Variants in RGPD4 observed in about 807,000 individuals in gnomAD.
RGPD4 encodes the protein RANBP2 like and GRIP domain containing 4, also known as ranBP2-like and GRIP domain-containing protein 4.
In RGPD4, 84 loss-of-function variants were observed where a neutral mutation model predicts 141.1. The ratio of observed to expected loss-of-function variants is 0.60; its 90% confidence interval spans 0.50 to 0.71. The LOEUF (loss-of-function observed/expected upper bound fraction) is 0.71, where lower values mean the gene tolerates loss of function less well. Among genes scored for constraint, RGPD4 ranks in the 30% least tolerant of loss-of-function variants. The pLI is 0.00. For missense variants in RGPD4, 918 were observed against 1,622.4 expected (o/e 0.57, Z 7.46); for synonymous variants, 298 against 566.8 (o/e 0.53, Z 6.74).
At chr2:107,844,791 G>T (rs1681855840) in intron 6 of RGPD4, among the ~76,000 whole-genome samples, 2 of 89,010 alleles carry the variant, frequency 2.2e-5, no homozygotes, top group African/African-American at 4.2e-5. Flanking sequence ...AAAGATGTTT[G>T]TATGTGGGTT....
At chr2:107,835,571 G>T (rs1681640698) in intron 1 of RGPD4, among the ~76,000 whole-genome samples, 1 of 151,932 alleles carries the variant, frequency 6.6e-6, no homozygotes, top group Non-Finnish European at 1.5e-5. Context: ...TAGATCCTAA[G>T]TACTTAGTTA....
Position 107,891,860 on chromosome 2 carries a change from C to T in RGPD4, c.*1129C>T, listed in dbSNP as rs1232690381. Among the ~76,000 whole-genome samples, 6 of 123,176 alleles carry T rather than the reference C, an allele frequency of 4.9e-5. No individual in the cohort carries two copies. In the East Asian group the frequency reaches 9.9e-4, roughly 20 times the overall value. 80.8% of individuals were successfully genotyped at this position (123,176 alleles called of 152,430 possible). A position where few individuals can be genotyped will look rare whatever the true frequency, so the allele number is the denominator to read the frequency against. ...AGGGATTTTAGACACCTTAGAGGTC[C>T]GTGCTACATCTTCACAGTTCCTCTG... On this transcript the variant is annotated 3_prime_UTR_variant, in exon 23 of 23. Coordinates refer to ENST00000408999, the MANE Select transcript of RGPD4 (RefSeq NM_182588.3).
intron 1 of RGPD4, among the ~76,000 whole-genome samples, chr2:107,828,611 G>A (rs1356302310): frequency 0.015 from 583 of 39,932 alleles, 1 homozygote; most frequent in Middle Eastern, 0.025. Context: ...GGGCGGCGGC[G>A]GCCTCGACCT....
intron 9 of RGPD4, among the ~76,000 whole-genome samples, chr2:107,857,171 C>G (rs1189087044): frequency 6.8e-6 from 1 of 147,994 alleles, no homozygotes; most frequent in Non-Finnish European, 1.5e-5. Context: ...AAGTTTTGCT[C>G]TTGTCGCCCA....
intron 20 of RGPD4, among the ~76,000 whole-genome samples, chr2:107,874,455 T>A (rs1683031131): frequency 7.2e-6 from 1 of 139,144 alleles, no homozygotes. Context: ...CAGTAACACA[T>A]CTTAGCCATG....
At chr2:107,835,565 T>G (rs991055266) in intron 1 of RGPD4, among the ~76,000 whole-genome samples, 2 of 151,938 alleles carry the variant, frequency 1.3e-5, no homozygotes, top group African/African-American at 4.8e-5. Context: ...CCTTAATAGA[T>G]CCTAAGTACT....
chr2:107,884,591 G>A (rs1458890984), intron 22 of RGPD4, among the ~76,000 whole-genome samples: 1 of 145,930 alleles, frequency 6.9e-6, no homozygotes, highest in Admixed American at 7.0e-5. Context: ...GTGGGATGGT[G>A]GACAAAAATA....
chr2:107,877,967 C>T (rs13419759), intron 20 of RGPD4, among the ~76,000 whole-genome samples: 51,703 of 139,362 alleles, frequency 0.37, 6,699 homozygotes, highest in Non-Finnish European at 0.5. Flanking sequence ...CACCTGCCAC[C>T]GTGCCTGGCT....
At position 107,871,822 on chromosome 2, in the gene RGPD4, T is replaced by C; in HGVS notation, c.3818T>C (p.Leu1273Ser). Residue 1273 changes from leucine (L) to serine (S), a missense_variant, in exon 20 of 23, where the codon TTG becomes TCG. By Grantham distance (145) the Leu-to-Ser change is moderately radical. Transcript: ENST00000408999. ...VSSSSVHASP[L>S]ASSPVRKNLF... The stretch of plus-strand genomic sequence containing the variant: ...AGTAGCTCAGTACATGCTTCTCCAT[T>C]GGCAAGTAGCCCTGTGAGAAAAAAT... 1.2e-6 allele frequency: 2 copies of C among 1,611,598 alleles called. No homozygotes were observed. The highest frequency in any genetic ancestry group is 8.5e-7 in the Non-Finnish European group (1 of 1,179,860).
chr2:107,865,782 T>C (rs1269039445), intron 17 of RGPD4, among the ~76,000 whole-genome samples: 1 of 146,778 alleles, frequency 6.8e-6, no homozygotes, highest in East Asian at 2.0e-4. Context: ...TCAAAAGATA[T>C]AATCAGGTCC....
chr2:107,827,755 C>T (rs1187643357), intron 1 of RGPD4, among the ~76,000 whole-genome samples: 1 of 37,898 alleles, frequency 2.6e-5, no homozygotes, highest in Non-Finnish European at 5.1e-5. Context: ...TGGCTCCTGA[C>T]GGGCGCTGCT....
At chr2:107,849,245 G>C (rs1423060490) in intron 7 of RGPD4, among the ~76,000 whole-genome samples, 1 of 90,028 alleles carries the variant, frequency 1.1e-5, no homozygotes, top group Non-Finnish European at 2.3e-5. Context: ...TAATAGAGAT[G>C]GGGTTTCACC....
At position 107,870,771 on chromosome 2, in the gene RGPD4, T is replaced by C. The variant is rs1239603274; in HGVS notation, c.2767T>C (p.Phe923Leu). ...GFSIPVSADG[F>L]KFGISEPGNQ... ...TTCCATCCCTGTGTCTGCTGATGGA[T>C]TTAAATTTGGCATTTCGGAACCAGG... Residue 923 changes from phenylalanine (F) to leucine (L), a missense_variant, in exon 20 of 23, where the codon TTT (phenylalanine) becomes CTT (leucine). Coordinates refer to ENST00000408999, the MANE Select transcript of RGPD4 (RefSeq NM_182588.3). 7.5e-6 allele frequency: 12 copies of C among 1,610,108 alleles called. No homozygotes were observed. The highest frequency in any genetic ancestry group is 1.0e-5 in the Non-Finnish European group (12 of 1,179,270).
intron 6 of RGPD4, among the ~76,000 whole-genome samples, chr2:107,846,487 A>G (rs1029927943): frequency 1.3e-5 from 2 of 151,562 alleles, no homozygotes; most frequent in African/African-American, 4.9e-5. Context: ...TTTTTTTGAG[A>G]CGGAGTTTTG....
intron 6 of RGPD4, among the ~76,000 whole-genome samples, chr2:107,844,830 G>GTTTTTTTTTTTTTTTT (rs1222283120): frequency 7.6e-5 from 2 of 26,174 alleles, no homozygotes; most frequent in Non-Finnish European, 7.1e-5. Context: ...TTTCTTTTTT[G>GTTTTTTTTTTTTTTTT]TTTTTTTTTT....
At chr2:107,834,248 G>T (rs567990987) in intron 1 of RGPD4, among the ~76,000 whole-genome samples, 1 of 149,874 alleles carries the variant, frequency 6.7e-6, no homozygotes, top group Non-Finnish European at 1.5e-5. Flanking sequence ...ATTTAGATGC[G>T]ATTGTAAATG....
intron 1 of RGPD4, among the ~76,000 whole-genome samples, chr2:107,829,768 C>A (rs549043759): frequency 4.6e-5 from 7 of 152,162 alleles, no homozygotes; most frequent in South Asian, 2.1e-4. Context: ...CCCGACGGTG[C>A]TCGCTCCTGG....
intron 1 of RGPD4, among the ~76,000 whole-genome samples, chr2:107,833,645 A>T (rs1681571809): frequency 6.7e-6 from 1 of 150,300 alleles, no homozygotes; most frequent in Non-Finnish European, 1.5e-5. Context: ...TTATCTTAAG[A>T]TTGTCTACTT....
At chr2:107,881,661 G>T (rs377403475) in intron 21 of RGPD4, among the ~76,000 whole-genome samples, 3 of 149,950 alleles carry the variant, frequency 2.0e-5, no homozygotes, top group African/African-American at 7.5e-5. Flanking sequence ...TGATTTCTTC[G>T]TCTTCTTTAT....
Sources: gnomAD v4.1 joint callset for allele counts (sites outside exome capture counted in the v4.1 genomes callset) on GRCh38, gnomAD v4.1.1 for gene constraint, MANE v1.5 for transcripts, NCBI Gene and HGNC (gene_info 2026-07-23, HGNC 2026-07-21) for gene names.